Variants in C4BPA observed in about 807,000 individuals in gnomAD.
C4BPA encodes the protein complement component 4 binding protein alpha, also known as C4b-binding protein alpha chain.
A neutral mutation model predicts 63.7 loss-of-function variants in C4BPA; 31 were observed. That is an observed-to-expected ratio of 0.49 (90% CI 0.37 to 0.66). C4BPA has a LOEUF of 0.66. Among genes scored for constraint, C4BPA ranks in the 30% least tolerant of loss-of-function variants. C4BPA has a pLI of 0.00. For synonymous variants in C4BPA, 259 were observed against 254.7 expected (o/e 1.02, Z -0.16); for missense variants, 572 against 723.3 (o/e 0.79, Z 2.40).
At chr1:207,123,879 G>T (rs756122597) in intron 4 of C4BPA, 43 bp from the exon 5 acceptor site, 11 of 1,101,526 alleles carry the variant, frequency 1.0e-5, no homozygotes, top group East Asian at 2.4e-5. Context: ...TTTAATTTAG[G>T]GTAGGAGGAA....
At position 207,144,745 on chromosome 1, in the gene C4BPA, G is replaced by T; in HGVS notation, c.*28G>T. 1 of 1,546,954 alleles carries T rather than the reference G, an allele frequency of 6.5e-7. No individual in the cohort carries two copies. Among genetic ancestry groups the T allele is most frequent in the South Asian group, 1.2e-5 (1 of 82,432 alleles). On this transcript the variant is annotated 3_prime_UTR_variant, in exon 12 of 12. Transcript: ENST00000367070. ...TTTCTCAAAAGAAGGAGGAAAAGGT[G>T]TCTTGCTGGCTTGCCTCTTGCAATT... is the stretch of plus-strand genomic sequence containing the variant.
Position 207,141,166 on chromosome 1 carries a change from T to A in C4BPA, c.1334T>A (p.Phe445Tyr), listed in dbSNP as rs758006463. 3 of 1,613,652 alleles carry A rather than the reference T, an allele frequency of 1.9e-6. No individual in the cohort carries two copies. The African/African-American group carries it at 4.0e-5, about 22-fold the overall frequency. Reference sequence around the variant, plus strand: ...TATAAACAATCTAGTTCATACAGCTTTTTCAAAGAAGAGATTATATATGAA... The same window carrying A: ...TATAAACAATCTAGTTCATACAGCTATTTCAAAGAAGAGATTATATATGAA... ...GHYKQSSSYS[F>Y]FKEEIIYECD... The change falls in exon 10 of 12, where the codon TTT (phenylalanine) becomes TAT (tyrosine). Residue 445 changes from phenylalanine (F) to tyrosine (Y), a missense_variant. By Grantham distance (22) the Phe-to-Tyr change is conservative (BLOSUM62 3). Coordinates refer to ENST00000367070, the MANE Select transcript of C4BPA (RefSeq NM_000715.4).
intron 4 of C4BPA, among the ~76,000 whole-genome samples, chr1:207,120,502 C>T (rs1011287476): frequency 2.0e-5 from 3 of 152,098 alleles, no homozygotes; most frequent in Admixed American, 6.6e-5. Flanking sequence ...CAGTGGCTCA[C>T]GCCTGTAATT....
Position 207,144,685 on chromosome 1 carries a change from G to C in C4BPA, c.1762G>C (p.Ala588Pro), listed in dbSNP as rs369244342. The change falls in exon 12 of 12, where the codon GCA (alanine) becomes CCA (proline). Residue 588 changes from alanine to proline, a missense_variant. Physicochemically the swap from Ala to Pro is conservative, Grantham distance 27. Transcript: ENST00000367070. The part of the protein sequence containing the change: ...IEQLELQRDS[A>P]RQSTLDKEL ...ACAACTGGAACTACAGAGAGACAGC[G>C]CAAGACAATCCACTTTGGATAAAGA... The C allele has an allele frequency of 8.1e-6, 13 of 1,610,044 alleles. No individual in the cohort carries two copies. Among genetic ancestry groups the C allele is most frequent in the Non-Finnish European group, 1.1e-5 (13 of 1,178,592 alleles).
intron 7 of C4BPA, 98 bp downstream of exon 7, chr1:207,126,993 T>A: frequency 1.2e-6 from 1 of 820,564 alleles, no homozygotes; most frequent in Non-Finnish European, 1.9e-6. Flanking sequence ...TACTATGAAT[T>A]ACAGTAAAAA....
chr1:207,132,025 G>GA (rs2102351182), intron 8 of C4BPA, among the ~76,000 whole-genome samples: 1 of 152,302 alleles, frequency 6.6e-6, no homozygotes, highest in South Asian at 2.1e-4. Context: ...GGTAAAACTA[G>GA]AATGGAGAAT....
chr1:207,131,506 T>C (rs779229160), intron 7 of C4BPA, 40 bp from the exon 8 acceptor site: 2 of 1,448,690 alleles, frequency 1.4e-6, no homozygotes, highest in Non-Finnish European at 1.9e-6. Flanking sequence ...GCCCTAGTAA[T>C]AGCGTCCTTT....
At chr1:207,131,214 G>T (rs1452331427) in intron 7 of C4BPA, among the ~76,000 whole-genome samples, 1 of 152,186 alleles carries the variant, frequency 6.6e-6, no homozygotes, top group African/African-American at 2.4e-5. Context: ...AACATAGTTA[G>T]ATTTGTTTGT....
Position 207,119,153 on chromosome 1 carries a change from G to A in C4BPA, c.428+3638G>A, listed in dbSNP as rs527505690. ...TGGGTATGTCCTGTAGAAGTTGTCC[G>A]TCACAGTGCTAATGTACTTGGATCA... On this transcript the variant is annotated intron_variant, in intron 4 of 11. Coordinates refer to ENST00000367070, the MANE Select transcript of C4BPA (RefSeq NM_000715.4). 5.5e-4 allele frequency among the ~76,000 whole-genome samples: 46 copies of A among 83,962 alleles called. 15 individuals carry two copies. Among genetic ancestry groups the A allele is most frequent in the Non-Finnish European group, 9.0e-4 (30 of 33,198 alleles). 55.1% of individuals were successfully genotyped at this position (83,962 alleles called of 152,430 possible). A position where few individuals can be genotyped will look rare whatever the true frequency, so the allele number is the denominator to read the frequency against.
At chr1:207,110,684 A>T (rs934650137) in intron 1 of C4BPA, among the ~76,000 whole-genome samples, 1 of 152,212 alleles carries the variant, frequency 6.6e-6, no homozygotes, top group East Asian at 1.9e-4. Flanking sequence ...ATGAGTATAA[A>T]TATATCCTTT....
chr1:207,144,612 G>C lies in C4BPA; in HGVS notation c.1689G>C (p.Glu563Asp). 6.2e-7 allele frequency: 1 copy of C among 1,613,490 alleles called. No homozygotes were observed. Among genetic ancestry groups the C allele is most frequent in the Non-Finnish European group, 8.5e-7 (1 of 1,179,774 alleles). ...TCATGCAGTGTCTCCCAAACCCAGA[G>C]GATGTGAAAATGGCCCTGGAGGTAT... ...KRLMQCLPNP[E>D]DVKMALEVYK... Residue 563 changes from glutamate to aspartate, a missense_variant, in exon 12 of 12, where the codon GAG becomes GAC. Around this residue, in one of 2 missense-constraint regions of C4BPA, gnomAD observed 465 missense variants for 629.4 expected, o/e 0.74. Transcript: ENST00000367070.
chr1:207,141,300 T>A (rs1685410507), intron 10 of C4BPA, 24 bp downstream of exon 10: 1 of 1,603,134 alleles, frequency 6.2e-7, no homozygotes, highest in Non-Finnish European at 8.5e-7. Flanking sequence ...CCTTTTCAGC[T>A]CAAGATTAAG....
intron 1 of C4BPA, among the ~76,000 whole-genome samples, chr1:207,105,533 G>A (rs1684540464): frequency 6.8e-6 from 1 of 148,084 alleles, no homozygotes; most frequent in Non-Finnish European, 1.5e-5. Flanking sequence ...CTCTAGTCTG[G>A]GCAACAAGAG....
intron 10 of C4BPA, among the ~76,000 whole-genome samples, chr1:207,141,651 C>T (rs1168242254): frequency 2.6e-5 from 4 of 152,124 alleles, no homozygotes; most frequent in Non-Finnish European, 4.4e-5. Context: ...TTCTAAATAT[C>T]ATGAGTGACA....
rs778888528 is a variant in C4BPA, at chr1:207,126,693, C to G, written c.707-20C>G. Reference sequence around the variant, plus strand: ...CATCTATCTTTTAAAATCCACTTGTCTTTTCTCATGATTCTTTAGAAATCA... The same window carrying G: ...CATCTATCTTTTAAAATCCACTTGTGTTTTCTCATGATTCTTTAGAAATCA... On this transcript the variant is annotated intron_variant, in intron 6 of 11. Transcript: ENST00000367070. The G allele has an allele frequency of 1.9e-6, 3 of 1,592,112 alleles. No individual in the cohort carries two copies. Among genetic ancestry groups the G allele is most frequent in the Non-Finnish European group, 2.6e-6 (3 of 1,164,156 alleles).
At chr1:207,137,601 GTT>G (rs1210034487) in intron 9 of C4BPA, among the ~76,000 whole-genome samples, 1 of 151,538 alleles carries the variant, frequency 6.6e-6, no homozygotes, top group Non-Finnish European at 1.5e-5. Flanking sequence ...GTTTTGTTTT[GTT>G]TTGTTTTGTT....
At chr1:207,136,346 T>C (rs1481679797) in intron 9 of C4BPA, among the ~76,000 whole-genome samples, 2 of 152,226 alleles carry the variant, frequency 1.3e-5, no homozygotes, top group Admixed American at 1.3e-4. Context: ...GGTTGTTTAA[T>C]ACCTTTTCTA....
At chr1:207,116,855 C>T (rs1684801977) in intron 4 of C4BPA, among the ~76,000 whole-genome samples, 2 of 152,008 alleles carry the variant, frequency 1.3e-5, no homozygotes, top group Admixed American at 1.3e-4. Flanking sequence ...ACGCCAACAC[C>T]ACTTATTTAA....
intron 4 of C4BPA, among the ~76,000 whole-genome samples, chr1:207,118,202 A>G (rs1558089446): frequency 1.1e-4 from 16 of 139,230 alleles, no homozygotes; most frequent in Admixed American, 2.3e-4. Flanking sequence ...TCATCTATCT[A>G]TCTATCATCT....
Sources: allele counts gnomAD v4.1 joint callset (sites outside exome capture counted in the v4.1 genomes callset), GRCh38; gene constraint gnomAD v4.1.1; regional missense constraint gnomAD v4.1.1; transcripts MANE v1.5; gene names NCBI Gene and HGNC (gene_info 2026-07-23, HGNC 2026-07-21).